Variants in TEKT5 observed in about 807,000 individuals in gnomAD.
TEKT5 encodes the protein tektin-5.
TEKT5 carries 52 observed loss-of-function variants against 48.7 expected under a neutral mutation model. The observed-to-expected ratio is 1.07, with a 90% confidence interval of 0.86 to 1.35. TEKT5 has a LOEUF of 1.35. TEKT5 is among the 40% of genes most tolerant of loss of function. The pLI is 0.00. For missense variants in TEKT5, 831 were observed against 641.6 expected (o/e 1.30, Z -3.19); for synonymous variants, 318 against 267.6 (o/e 1.19, Z -1.84).
intron 6 of TEKT5, among the ~76,000 whole-genome samples, chr16:10,634,221 G>A (rs1411721360): frequency 6.6e-6 from 1 of 152,102 alleles, no homozygotes; most frequent in East Asian, 1.9e-4. Context: ...ACTCCCCTAG[G>A]AGTGAGACTA....
chr16:10,689,913 G>A (rs145282033), intron 2 of TEKT5, 29 bp downstream of exon 2: 2 of 1,612,062 alleles, frequency 1.2e-6, no homozygotes, highest in Non-Finnish European at 1.7e-6. Context: ...CTCCTTCAGG[G>A]GGCTGGGCAG....
intron 5 of TEKT5, among the ~76,000 whole-genome samples, chr16:10,666,421 G>C (rs554205940): frequency 1.5e-4 from 23 of 152,254 alleles, no homozygotes; most frequent in Admixed American, 1.4e-3. Flanking sequence ...CTTTGCTGTG[G>C]GGGGCTGCCC....
At chr16:10,678,741 G>A (rs2142304640) in intron 4 of TEKT5, among the ~76,000 whole-genome samples, 1 of 152,328 alleles carries the variant, frequency 6.6e-6, no homozygotes, top group African/African-American at 2.4e-5. Context: ...CAGTGTCAGT[G>A]TCATAAACAG....
At chr16:10,679,588 T>C (rs993674668) in intron 4 of TEKT5, among the ~76,000 whole-genome samples, 21 of 151,954 alleles carry the variant, frequency 1.4e-4, no homozygotes, top group Admixed American at 1.3e-4. Flanking sequence ...CGCCCAGACA[T>C]AGCCCTGCTT....
At position 10,681,370 on chromosome 16, in the gene TEKT5, A is replaced by ACT. The variant is rs1458051750; in HGVS notation, c.863+621_863+622dup. On this transcript the variant is annotated intron_variant, in intron 4 of 6. Coordinates refer to ENST00000283025, the MANE Select transcript of TEKT5 (RefSeq NM_144674.2). ...GCCACGTAGCCTGGCTCCAGATTCC[A>ACT]CTCTCTGTCTCTCTCTCTCTCTCTC... is the stretch of plus-strand genomic sequence containing the variant. 4.4e-3 allele frequency among the ~76,000 whole-genome samples: 653 copies of ACT among 148,036 alleles called. 11 individuals carry two copies. Among genetic ancestry groups the ACT allele is most frequent in the African/African-American group, 0.016 (627 of 39,978 alleles).
rs192864969 is a variant in TEKT5 at position 10,644,987 on chromosome 16, C to T, written c.1087-9069G>A. 8.9e-4 allele frequency among the ~76,000 whole-genome samples: 136 copies of T among 152,306 alleles called. No individual in the cohort carries two copies. In the Middle Eastern group the frequency reaches 0.01, roughly 11 times the overall value. On this transcript the variant is annotated intron_variant, in intron 5 of 6. Coordinates refer to ENST00000283025, the MANE Select transcript of TEKT5 (RefSeq NM_144674.2). The stretch of plus-strand genomic sequence containing the variant: ...TTATAAGAAGAGGCTACTTTACTCT[C>T]TTTCTGCCAGGTGAAGAAATACAAA...
At chr16:10,650,633 C>T (rs1898140435) in intron 5 of TEKT5, among the ~76,000 whole-genome samples, 1 of 151,964 alleles carries the variant, frequency 6.6e-6, no homozygotes, top group Admixed American at 6.6e-5. Flanking sequence ...CCTGTAATCC[C>T]AGCACTTTGG....
chr16:10,685,893 T>A (rs1342016263), intron 3 of TEKT5, among the ~76,000 whole-genome samples: 1 of 152,172 alleles, frequency 6.6e-6, no homozygotes, highest in Admixed American at 6.5e-5. Context: ...AAAAGCGGCC[T>A]CCTGATCCCA....
At chr16:10,628,250 C>T (rs1393239883) in intron 6 of TEKT5, among the ~76,000 whole-genome samples, 1 of 152,174 alleles carries the variant, frequency 6.6e-6, no homozygotes, top group Non-Finnish European at 1.5e-5. Flanking sequence ...CTCGGCCCTC[C>T]AGGGGAAGGC....
chr16:10,682,463 G>C (rs940234700), intron 3 of TEKT5, among the ~76,000 whole-genome samples: 1 of 152,056 alleles, frequency 6.6e-6, no homozygotes, highest in Admixed American at 6.6e-5. Flanking sequence ...GAGTAGCTAG[G>C]GCTACAGGCA....
intron 5 of TEKT5, among the ~76,000 whole-genome samples, chr16:10,669,566 T>C (rs1045750951): frequency 3.3e-5 from 5 of 152,218 alleles, no homozygotes; most frequent in African/African-American, 2.4e-5. Flanking sequence ...AACCTTCTCA[T>C]TGTATGATTC....
chr16:10,627,795 C>G lies in TEKT5; in HGVS notation c.1246G>C (p.Val416Leu), dbSNP rs1367316580. 6.2e-7 allele frequency: 1 copy of G among 1,614,062 alleles called. No homozygotes were observed. Among genetic ancestry groups the G allele is most frequent in the Non-Finnish European group, 8.5e-7 (1 of 1,180,000 alleles). The change falls in exon 7 of 7, where the codon GTG (valine) becomes CTG (leucine). Residue 416 changes from valine to leucine, a missense_variant. Coordinates refer to ENST00000283025, the MANE Select transcript of TEKT5 (RefSeq NM_144674.2). Reference sequence around the variant, plus strand: ...TCGTCGATGGTGAACACCTCGTTCACCAGCCTGGGGTGAGGGCAGAGGAGA... The same window carrying G: ...TCGTCGATGGTGAACACCTCGTTCAGCAGCCTGGGGTGAGGGCAGAGGAGA... ...LCRDIPQLKL[V>L]NEVFTIDDTL... is the part of the protein sequence containing the mutation.
intron 6 of TEKT5, among the ~76,000 whole-genome samples, chr16:10,631,934 A>C (rs893711109): frequency 2.0e-5 from 3 of 152,224 alleles, no homozygotes; most frequent in African/African-American, 7.2e-5. Context: ...AATTTGTGAT[A>C]GCAGCCCTGG....
chr16:10,669,559 C>T (rs1567232337), intron 5 of TEKT5, among the ~76,000 whole-genome samples: 1 of 152,098 alleles, frequency 6.6e-6, no homozygotes, highest in African/African-American at 2.4e-5. Context: ...AAGGAATAAC[C>T]TTCTCATTGT....
intron 1 of TEKT5, among the ~76,000 whole-genome samples, chr16:10,691,820 C>G (rs980252717): frequency 6.6e-6 from 1 of 151,482 alleles, no homozygotes; most frequent in Non-Finnish European, 1.5e-5. Context: ...TAGTGGCGGG[C>G]GCCTGTAGTC....
intron 5 of TEKT5, among the ~76,000 whole-genome samples, chr16:10,658,549 C>T (rs1261874725): frequency 4.0e-5 from 6 of 151,866 alleles, no homozygotes; most frequent in East Asian, 1.9e-4. Flanking sequence ...GCAAATCTAA[C>T]GGCTGGTGAT....
chr16:10,670,487 C>A (rs564792574), intron 5 of TEKT5, among the ~76,000 whole-genome samples: 2 of 152,126 alleles, frequency 1.3e-5, no homozygotes, highest in South Asian at 4.1e-4. Context: ...TCACTGCACT[C>A]CAGCCTGCAC....
At chr16:10,653,409 T>A (rs919623529) in intron 5 of TEKT5, among the ~76,000 whole-genome samples, 1 of 152,252 alleles carries the variant, frequency 6.6e-6, no homozygotes, top group African/African-American at 2.4e-5. Flanking sequence ...TCCCATGTGC[T>A]GTACACCTGG....
At chr16:10,655,110 T>G (rs964135622) in intron 5 of TEKT5, among the ~76,000 whole-genome samples, 1 of 152,092 alleles carries the variant, frequency 6.6e-6, no homozygotes, top group Non-Finnish European at 1.5e-5. Context: ...GAGAAAAAAC[T>G]GCCTTTCCTA....
Sources: allele counts gnomAD v4.1 joint callset (sites outside exome capture counted in the v4.1 genomes callset), GRCh38; gene constraint gnomAD v4.1.1; transcripts MANE v1.5; gene names NCBI Gene and HGNC (gene_info 2026-07-23, HGNC 2026-07-21).